KIF26B: variants seen among roughly 807,000 people sequenced by gnomAD.
KIF26B encodes the protein kinesin-like protein KIF26B.
Under a neutral mutation model 151.2 loss-of-function variants are expected in KIF26B, and 63 were observed. That is an observed-to-expected ratio of 0.42 (90% confidence interval 0.34 to 0.51). The LOEUF (loss-of-function observed/expected upper bound fraction) is 0.51, where lower values mean the gene tolerates loss of function less well. KIF26B is among the 20% of genes least tolerant of loss of function. The pLI is 0.07. For synonymous variants in KIF26B, 1,357 were observed against 1,262.1 expected, an observed-to-expected ratio of 1.08 and a Z score of -1.59; for missense variants, 2,813 against 2,913.6, an observed-to-expected ratio of 0.97 and a Z score of 0.79.
At position 245,674,424 on chromosome 1, in the gene KIF26B, C is replaced by T. The variant is rs2044332374; in HGVS notation, c.2259-9809C>T. Among the ~76,000 whole-genome samples, 3 of 152,310 alleles carry T rather than the reference C, an allele frequency of 2.0e-5. No individual in the cohort carries two copies. In the South Asian group the frequency reaches 6.2e-4, roughly 32 times the overall value. On this transcript the variant is annotated intron_variant, in intron 10 of 14. Transcript: ENST00000407071. Reference sequence around the variant, plus strand: ...ATCCTGCAGGTGGATCAAATACGCACACATCTATTAAAGAACAGTCTGCAT... The same window carrying T: ...ATCCTGCAGGTGGATCAAATACGCATACATCTATTAAAGAACAGTCTGCAT...
intron 10 of KIF26B, among the ~76,000 whole-genome samples, chr1:245,683,213 G>T (rs1468765977): frequency 6.6e-6 from 1 of 152,166 alleles, no homozygotes; most frequent in Non-Finnish European, 1.5e-5. Context: ...GAGCTTTGCA[G>T]GGGATGGGTG....
rs1672588325 is a variant in KIF26B, at chr1:245,352,496, G to T, written c.466-14338G>T. On this transcript the variant is annotated intron_variant, in intron 2 of 14. Transcript: ENST00000407071. The surrounding 1 kb of genome is among the most constrained non-coding windows in gnomAD (Gnocchi z 5.0). ...CCAGGTTGGTCTCAAACTCCTAACT[G>T]AAAGTAATCCATCAACCTTGGCCTC... is the stretch of plus-strand genomic sequence containing the variant. Among the ~76,000 whole-genome samples, 1 of 152,166 alleles carries T rather than the reference G, an allele frequency of 6.6e-6. No individual in the cohort carries two copies. Among genetic ancestry groups the T allele is most frequent in the South Asian group, 2.1e-4 (1 of 4,822 alleles).
At chr1:245,557,261 C>T (rs1308045364) in intron 5 of KIF26B, among the ~76,000 whole-genome samples, 2 of 152,184 alleles carry the variant, frequency 1.3e-5, no homozygotes, top group African/African-American at 4.8e-5. Flanking sequence ...ACAGTCTGAA[C>T]AGGTGCGTAG....
intron 10 of KIF26B, among the ~76,000 whole-genome samples, chr1:245,678,869 GAA>G (rs35030829): frequency 9.8e-5 from 14 of 142,988 alleles, no homozygotes; most frequent in Non-Finnish European, 1.7e-4. Context: ...TCTCAAAAAA[GAA>G]AAAAAAAAAA....
intron 4 of KIF26B, among the ~76,000 whole-genome samples, chr1:245,515,706 T>C (rs997983620): frequency 6.6e-6 from 1 of 152,208 alleles, no homozygotes; most frequent in Non-Finnish European, 1.5e-5. Context: ...CATTATTTGT[T>C]GTAGAAGCAG....
chr1:245,542,123 C>G (rs974047318), intron 5 of KIF26B, among the ~76,000 whole-genome samples: 1 of 152,184 alleles, frequency 6.6e-6, no homozygotes, highest in African/African-American at 2.4e-5. Context: ...GAGGCCACAG[C>G]AAGAGAAGCA....
chr1:245,607,096 A>G (rs991138610), intron 6 of KIF26B, among the ~76,000 whole-genome samples: 2 of 149,526 alleles, frequency 1.3e-5, no homozygotes, highest in East Asian at 3.9e-4. Context: ...AAAATGAGGA[A>G]GGTGTGAATT....
intron 4 of KIF26B, among the ~76,000 whole-genome samples, chr1:245,521,921 G>C (rs933845563): frequency 6.9e-5 from 9 of 131,330 alleles, no homozygotes; most frequent in Admixed American, 1.6e-4. Flanking sequence ...GCTGGATGGA[G>C]TGCAGTGGTG....
At chr1:245,331,506 A>T (rs527530553) in intron 2 of KIF26B, among the ~76,000 whole-genome samples, 1 of 152,276 alleles carries the variant, frequency 6.6e-6, no homozygotes, top group South Asian at 2.1e-4. Context: ...GTCCACCCTG[A>T]AGTAAGGTGC....
intron 2 of KIF26B, among the ~76,000 whole-genome samples, chr1:245,198,968 C>CTG (rs1669248348): frequency 7.2e-5 from 5 of 69,708 alleles, no homozygotes; most frequent in East Asian, 4.5e-4. Context: ...GAGAGTGTGG[C>CTG]CGCTGAGCTG....
intron 2 of KIF26B, among the ~76,000 whole-genome samples, chr1:245,217,691 C>T (rs548607107): frequency 7.9e-5 from 12 of 152,224 alleles, no homozygotes; most frequent in South Asian, 2.1e-4. Flanking sequence ...TTTAATATCA[C>T]GACACACATA....
chr1:245,156,221 G>A (rs1311458353), intron 1 of KIF26B, 61 bp from the exon 2 acceptor site: 8 of 1,518,568 alleles, frequency 5.3e-6, no homozygotes, highest in Non-Finnish European at 7.0e-6. Flanking sequence ...GTATGACCCA[G>A]CTCCTGGGCG....
At chr1:245,699,390 G>A (rs1394289738) in intron 14 of KIF26B, among the ~76,000 whole-genome samples, 1 of 151,724 alleles carries the variant, frequency 6.6e-6, no homozygotes, top group Non-Finnish European at 1.5e-5. Context: ...TGCATATCTA[G>A]CCTGAAATAG....
At chr1:245,486,161 A>G (rs1660275806) in intron 4 of KIF26B, among the ~76,000 whole-genome samples, 1 of 152,248 alleles carries the variant, frequency 6.6e-6, no homozygotes, top group African/African-American at 2.4e-5. Context: ...ATTTAAGCAC[A>G]TAGTCTTTAG....
intron 3 of KIF26B, among the ~76,000 whole-genome samples, chr1:245,378,488 A>G (rs1273797895): frequency 6.6e-5 from 10 of 152,124 alleles, no homozygotes; most frequent in Non-Finnish European, 1.5e-5. Context: ...CTAGATGTAG[A>G]TGCTTTTCAC....
At chr1:245,204,268 A>G (rs1669356439) in intron 2 of KIF26B, among the ~76,000 whole-genome samples, 1 of 152,234 alleles carries the variant, frequency 6.6e-6, no homozygotes, top group Non-Finnish European at 1.5e-5. Flanking sequence ...TAATTCATAC[A>G]GGAGACTTTC....
intron 10 of KIF26B, among the ~76,000 whole-genome samples, chr1:245,656,573 A>G (rs1051436015): frequency 1.3e-5 from 2 of 152,238 alleles, no homozygotes; most frequent in African/African-American, 4.8e-5. Flanking sequence ...TGGGGACAGT[A>G]CGGAGAGCCC....
intron 2 of KIF26B, among the ~76,000 whole-genome samples, chr1:245,299,582 T>C (rs1257149227): frequency 2.6e-5 from 4 of 152,204 alleles, no homozygotes; most frequent in African/African-American, 9.6e-5. Flanking sequence ...CTTCTTTCAG[T>C]TCTTACAACA....
chr1:245,456,229 C>G (rs1305324745), intron 4 of KIF26B, among the ~76,000 whole-genome samples: 1 of 152,168 alleles, frequency 6.6e-6, no homozygotes, highest in Non-Finnish European at 1.5e-5. Context: ...GACTCTAGAT[C>G]ATTACATTAT....
Sources: allele counts gnomAD v4.1 joint callset (sites outside exome capture counted in the v4.1 genomes callset), GRCh38; gene constraint gnomAD v4.1.1; non-coding constraint Gnocchi (gnomAD v3.1); transcripts MANE v1.5; gene names NCBI Gene and HGNC (gene_info 2026-07-23, HGNC 2026-07-21).